The following SDK2 variants were observed in gnomAD, a reference collection of about 807,000 sequenced individuals.
SDK2 encodes sidekick cell adhesion molecule 2, also known as protein sidekick-2.
A neutral mutation model predicts 253.9 loss-of-function variants in SDK2; 105 were observed. That is an observed-to-expected ratio of 0.41 (90% CI 0.35 to 0.49). SDK2 has a LOEUF of 0.49. Ranked by LOEUF, SDK2 falls within the 20% of genes least tolerant of loss-of-function variation. The probability of loss-of-function intolerance (pLI) is 0.06; values close to 1 mark genes in which losing one functional copy is unlikely to be tolerated. For missense variants in SDK2, 2,608 were observed against 3,003.0 expected, an observed-to-expected ratio of 0.87 and a Z score of 3.07; for synonymous variants, 1,249 against 1,234.9, an observed-to-expected ratio of 1.01 and a Z score of -0.24.
intron 15 of SDK2, among the ~76,000 whole-genome samples, chr17:73,421,336 G>A (rs2063228134): frequency 6.6e-6 from 1 of 152,196 alleles, no homozygotes; most frequent in Non-Finnish European, 1.5e-5. Flanking sequence ...CATTGCAACT[G>A]TGGCAAAACC....
chr17:73,627,977 G>A (rs1023144786), intron 1 of SDK2, among the ~76,000 whole-genome samples: 164 of 152,302 alleles, frequency 1.1e-3, no homozygotes, highest in Non-Finnish European at 2.0e-3. Context: ...GCATGAACCC[G>A]GGAGGCGGAG....
chr17:73,448,599 T>C (rs988119548), intron 4 of SDK2, among the ~76,000 whole-genome samples: 11 of 151,888 alleles, frequency 7.2e-5, no homozygotes, highest in African/African-American at 1.2e-4. Flanking sequence ...CTCCTGACCT[T>C]GTGATCTGCC....
intron 2 of SDK2, among the ~76,000 whole-genome samples, chr17:73,494,359 C>G (rs529418695): frequency 2.0e-5 from 3 of 152,082 alleles, no homozygotes; most frequent in Admixed American, 6.5e-5. Flanking sequence ...GCGTGACTCT[C>G]TCATAGCTCC....
intron 29 of SDK2, among the ~76,000 whole-genome samples, chr17:73,389,843 A>G (rs1212137137): frequency 6.6e-6 from 1 of 152,134 alleles, no homozygotes; most frequent in East Asian, 1.9e-4. Context: ...TCCGTCCCCC[A>G]GGTTCAAGTG....
chr17:73,434,377 C>T (rs536856321), intron 9 of SDK2, among the ~76,000 whole-genome samples: 33 of 152,334 alleles, frequency 2.2e-4, no homozygotes, highest in Non-Finnish European at 2.9e-4. Context: ...GGAAGGAGCT[C>T]GCCAGATGGG....
chr17:73,582,921 A>G (rs778097779), intron 1 of SDK2, among the ~76,000 whole-genome samples: 1 of 152,128 alleles, frequency 6.6e-6, no homozygotes. Context: ...GGGCTGAGAC[A>G]TTCTTCCCCG....
In SDK2 at chr17:73,501,168, C is replaced by T. The variant is rs1484894459; in HGVS notation, c.224+6270G>A. On this transcript the variant is annotated intron_variant, in intron 2 of 44. Transcript: ENST00000392650. ...CCTTCCTGCTGTACTCAGACAGGCT[C>T]GTGACTAACTGTTAACCTGCACACA... Among the ~76,000 whole-genome samples the T allele has an allele frequency of 5.3e-5, 8 of 152,218 alleles. 1 individual carries two copies. The South Asian group carries it at 8.3e-4, about 16-fold the overall frequency.
intron 27 of SDK2, among the ~76,000 whole-genome samples, chr17:73,391,807 C>T (rs910690054): frequency 2.6e-5 from 4 of 152,262 alleles, no homozygotes; most frequent in African/African-American, 9.6e-5. Flanking sequence ...TGTATACACG[C>T]CCCAGAACCG....
chr17:73,573,598 C>T (rs2045417576), intron 1 of SDK2, among the ~76,000 whole-genome samples: 1 of 152,182 alleles, frequency 6.6e-6, no homozygotes, highest in Admixed American at 6.5e-5. Flanking sequence ...TGCTGCTCAC[C>T]ACCCATGTTG....
At chr17:73,587,058 C>T (rs1458296427) in intron 1 of SDK2, among the ~76,000 whole-genome samples, 1 of 152,178 alleles carries the variant, frequency 6.6e-6, no homozygotes, top group Non-Finnish European at 1.5e-5. Flanking sequence ...TGGTGCCTGG[C>T]CTGTGGCTGC....
chr17:73,616,572 G>A lies in SDK2; in HGVS notation c.64+27453C>T, dbSNP rs2046060832. ...CACGTGGCAGCAGATCCTTTTTCTG[G>A]AGTAATGGAATCTTAGTCCTGGGTG... On this transcript the variant is annotated intron_variant, in intron 1 of 44. Coordinates refer to ENST00000392650, the MANE Select transcript of SDK2 (RefSeq NM_001144952.2). The surrounding 1 kb of genome is among the most constrained non-coding windows in gnomAD (Gnocchi z 5.2). Among the ~76,000 whole-genome samples, 1 of 152,126 alleles carries A rather than the reference G, an allele frequency of 6.6e-6. No individual in the cohort carries two copies. The highest frequency in any genetic ancestry group is 1.5e-5 in the Non-Finnish European group (1 of 68,016).
intron 1 of SDK2, among the ~76,000 whole-genome samples, chr17:73,584,473 G>A (rs1182305541): frequency 1.3e-5 from 2 of 152,206 alleles, no homozygotes; most frequent in Non-Finnish European, 2.9e-5. Context: ...CCCCAAAGAG[G>A]GAAACAGTCA....
At chr17:73,577,060 A>G (rs1273527483) in intron 1 of SDK2, among the ~76,000 whole-genome samples, 1 of 152,116 alleles carries the variant, frequency 6.6e-6, no homozygotes, top group East Asian at 1.9e-4. Context: ...CATGTCCCCT[A>G]TGGGAGGGTC....
chr17:73,437,199 C>T (rs1053046497), intron 8 of SDK2, among the ~76,000 whole-genome samples: 5 of 152,124 alleles, frequency 3.3e-5, no homozygotes, highest in Non-Finnish European at 7.4e-5. Context: ...TCTTTATCAT[C>T]CCGGATTTCA....
chr17:73,390,189 T>C, intron 29 of SDK2, 98 bp downstream of exon 29: 3 of 1,057,894 alleles, frequency 2.8e-6, no homozygotes, highest in Non-Finnish European at 4.0e-6. Context: ...TCCAGGGCAC[T>C]GCAGCTCATA....
chr17:73,540,993 C>T (rs2044859759), intron 1 of SDK2, among the ~76,000 whole-genome samples: 2 of 152,202 alleles, frequency 1.3e-5, no homozygotes, highest in African/African-American at 4.8e-5. Context: ...CCAGCCTCCC[C>T]TACAGCACTT....
At chr17:73,425,340 A>G (rs1014258624) in intron 12 of SDK2, among the ~76,000 whole-genome samples, 1 of 152,242 alleles carries the variant, frequency 6.6e-6, no homozygotes, top group Non-Finnish European at 1.5e-5. Flanking sequence ...GTTTTCTGAT[A>G]CTAGGGAACC....
At chr17:73,508,196 G>A (rs756036401) in intron 1 of SDK2, among the ~76,000 whole-genome samples, 1 of 152,224 alleles carries the variant, frequency 6.6e-6, no homozygotes, top group Non-Finnish European at 1.5e-5. Flanking sequence ...TAGGCTGGCC[G>A]CCTGGTTGCC....
At chr17:73,453,278 A>T (rs373542531) in intron 4 of SDK2, among the ~76,000 whole-genome samples, 1 of 148,810 alleles carries the variant, frequency 6.7e-6, no homozygotes, top group African/African-American at 2.6e-5. Context: ...AGCCAAGACC[A>T]GAAGAACCAC....
Sources: allele counts gnomAD v4.1 joint callset (sites outside exome capture counted in the v4.1 genomes callset), GRCh38; gene constraint gnomAD v4.1.1; non-coding constraint Gnocchi (gnomAD v3.1); transcripts MANE v1.5; gene names NCBI Gene and HGNC (gene_info 2026-07-23, HGNC 2026-07-21).